Variants in MAL observed in about 807,000 individuals in gnomAD.
The protein encoded by MAL is myelin and lymphocyte protein.
A neutral mutation model predicts 16.7 loss-of-function variants in MAL; 5 were observed. The ratio of observed to expected loss-of-function variants is 0.30; its 90% CI spans 0.16 to 0.63. MAL has a LOEUF of 0.63. Among genes scored for constraint, MAL ranks in the 30% least tolerant of loss-of-function variants. The pLI is 0.82. For synonymous variants in MAL, 96 were observed against 85.5 expected (o/e 1.12, Z -0.67); for missense variants, 202 against 195.8 (o/e 1.03, Z -0.19).
chr2:95,039,669 GGACTGAGTGAGT>G (rs1349393161), intron 1 of MAL, among the ~76,000 whole-genome samples: 10 of 146,894 alleles, frequency 6.8e-5, no homozygotes, highest in South Asian at 2.2e-4. Context: ...GAGTGAGTGA[GGACTGAGTGAGT>G]GACTGAGTGA....
chr2:95,051,133 G>A (rs1301824688), intron 3 of MAL, among the ~76,000 whole-genome samples: 5 of 152,180 alleles, frequency 3.3e-5, no homozygotes, highest in African/African-American at 4.8e-5. Context: ...TTCCCGCTGG[G>A]CAGGTCTCTA....
At chr2:95,037,968 GTGAGTGAGTGAC>G (rs1467025276) in intron 1 of MAL, among the ~76,000 whole-genome samples, 18 of 150,740 alleles carry the variant, frequency 1.2e-4, no homozygotes, top group East Asian at 4.0e-4. Flanking sequence ...GACTGAGTGA[GTGAGTGAGTGAC>G]TGAGTGAGTG....
chr2:95,037,560 CTGAGTGAG>C (rs1199461903), intron 1 of MAL, among the ~76,000 whole-genome samples: 3 of 90,984 alleles, frequency 3.3e-5, no homozygotes, highest in East Asian at 3.4e-4. Flanking sequence ...GAGTGAGTGA[CTGAGTGAG>C]TGAGTGACTG....
intron 1 of MAL, among the ~76,000 whole-genome samples, chr2:95,047,200 TAGC>T (rs1674611208): frequency 1.3e-5 from 2 of 152,158 alleles, no homozygotes; most frequent in Non-Finnish European, 2.9e-5. Context: ...TCAGAAGAAA[TAGC>T]AGCTCTTCTC....
chr2:95,053,428 C>A lies in MAL; in HGVS notation c.435C>A (p.Phe145Leu). The A allele has an allele frequency of 6.2e-7, 1 of 1,613,720 alleles. No individual in the cohort carries two copies. ...TGCTCTACGTGGTCCATGCGGTGTT[C>A]TCTTTAATCAGATGGAAGTCTTCAT... ...ATLLYVVHAV[F>L]SLIRWKSS The change falls in exon 4 of 4, where the codon TTC (phenylalanine) becomes TTA (leucine). Residue 145 changes from phenylalanine to leucine, a missense_variant. By Grantham distance (22) the Phe-to-Leu change is conservative (BLOSUM62 0). Coordinates refer to ENST00000309988, the MANE Select transcript of MAL (RefSeq NM_002371.4).
In MAL at chr2:95,037,822, C is replaced by G. The variant is rs1397604338; in HGVS notation, c.94-10137C>G. The stretch of plus-strand genomic sequence containing the variant: ...TGACTAAGTGAGTGAGTGAGTGACT[C>G]AGTGAGTGAGTGACTGAGTGACTGA... On this transcript the variant is annotated intron_variant, in intron 1 of 3. Coordinates refer to ENST00000309988, the MANE Select transcript of MAL (RefSeq NM_002371.4). Among the ~76,000 whole-genome samples, 295 of 67,214 alleles carry G rather than the reference C, an allele frequency of 4.4e-3. No individual in the cohort carries two copies. The Middle Eastern group carries it at 0.057, about 13-fold the overall frequency. The allele number at this position is 67,214 out of a possible 152,430, so 44.1% of individuals were successfully genotyped here. A position where few individuals can be genotyped will look rare whatever the true frequency, so the allele number is the denominator to read the frequency against.
chr2:95,027,327 A>C (rs564954415), intron 1 of MAL, among the ~76,000 whole-genome samples: 14 of 152,236 alleles, frequency 9.2e-5, no homozygotes, highest in African/African-American at 3.4e-4. Flanking sequence ...GGAACCATCT[A>C]CTACTGGCAG....
At chr2:95,045,009 A>C (rs1674554107) in intron 1 of MAL, among the ~76,000 whole-genome samples, 1 of 152,246 alleles carries the variant, frequency 6.6e-6, no homozygotes, top group Non-Finnish European at 1.5e-5. Context: ...CCATCTGTGC[A>C]TTAATTTACC....
chr2:95,030,652 C>A (rs1368798568), intron 1 of MAL, among the ~76,000 whole-genome samples: 1 of 152,212 alleles, frequency 6.6e-6, no homozygotes, highest in Admixed American at 6.5e-5. Context: ...TCAGCCCCCT[C>A]CTCCCCAGGC....
At chr2:95,026,208 T>G in intron 1 of MAL, 4 of 214,826 alleles carry the variant, frequency 1.9e-5, no homozygotes, top group African/African-American at 4.6e-5. Context: ...GGGGCCCACT[T>G]GACGCGCGCA....
chr2:95,052,484 G>A (rs1234096136), intron 3 of MAL, among the ~76,000 whole-genome samples: 2 of 152,204 alleles, frequency 1.3e-5, no homozygotes, highest in Non-Finnish European at 2.9e-5. Flanking sequence ...AAAGGGCTTG[G>A]CCAGGTGTAG....
chr2:95,053,287 C>T (rs1674757806), intron 3 of MAL, 94 bp from the exon 4 acceptor site: 4 of 846,436 alleles, frequency 4.7e-6, no homozygotes, highest in Non-Finnish European at 8.1e-6. Context: ...CTGGGTCTGG[C>T]CCCCCCTACG....
At chr2:95,026,930 G>A (rs1477680494) in intron 1 of MAL, among the ~76,000 whole-genome samples, 1 of 152,112 alleles carries the variant, frequency 6.6e-6, no homozygotes, top group Admixed American at 6.5e-5. Context: ...ATACCAAAGG[G>A]AGCAGGTCAG....
chr2:95,047,132 T>C (rs1388505156), intron 1 of MAL, among the ~76,000 whole-genome samples: 3 of 152,152 alleles, frequency 2.0e-5, no homozygotes, highest in African/African-American at 4.8e-5. Flanking sequence ...TGCTGGTCAC[T>C]ACCATTGCAT....
intron 3 of MAL, among the ~76,000 whole-genome samples, chr2:95,050,181 C>T (rs1674686903): frequency 6.6e-6 from 1 of 152,184 alleles, no homozygotes; most frequent in African/African-American, 2.4e-5. Context: ...GGCTGTGAGT[C>T]TGACCTCATG....
intron 1 of MAL, among the ~76,000 whole-genome samples, chr2:95,039,208 C>CTGAGTGAG (rs200015609): frequency 1.2e-5 from 1 of 82,702 alleles, no homozygotes; most frequent in African/African-American, 4.7e-5. Context: ...GAGTGAGTGA[C>CTGAGTGAG]TGAGTGAGTG....
intron 1 of MAL, among the ~76,000 whole-genome samples, chr2:95,036,789 C>G (rs1438014218): frequency 1.2e-4 from 14 of 119,136 alleles, no homozygotes; most frequent in Admixed American, 2.4e-4. Flanking sequence ...GAGTGAGTGA[C>G]TGAGTGACTG....
chr2:95,047,875 AC>A, intron 1 of MAL, 83 bp from the exon 2 acceptor site: 11 of 1,365,318 alleles, frequency 8.1e-6, no homozygotes, highest in Middle Eastern at 2.3e-4. Context: ...CACTCCAGTC[AC>A]CCCATGTGAC....
chr2:95,050,507 G>C (rs1363653897), intron 3 of MAL, among the ~76,000 whole-genome samples: 1 of 152,194 alleles, frequency 6.6e-6, no homozygotes, highest in Non-Finnish European at 1.5e-5. Context: ...TGAGATACCA[G>C]CTCTAGTAGC....
Sources: gnomAD v4.1 joint callset for allele counts (sites outside exome capture counted in the v4.1 genomes callset) on GRCh38, gnomAD v4.1.1 for gene constraint, MANE v1.5 for transcripts, NCBI Gene and HGNC (gene_info 2026-07-23, HGNC 2026-07-21) for gene names.